The following PAM variants were observed in gnomAD, a reference collection of about 807,000 sequenced individuals.
PAM encodes the protein peptidylglycine alpha-amidating monooxygenase.
PAM carries 72 observed loss-of-function variants against 122.1 expected under a neutral mutation model. The ratio of observed to expected loss-of-function variants is 0.59; its 90% confidence interval spans 0.49 to 0.72. The LOEUF (loss-of-function observed/expected upper bound fraction) is 0.72, where lower values mean the gene tolerates loss of function less well. PAM is among the 30% of genes least tolerant of loss of function. The pLI is 0.00. For synonymous variants in PAM, 389 were observed against 404.4 expected, an observed-to-expected ratio of 0.96 and a Z score of 0.46; for missense variants, 1,106 against 1,183.7, an observed-to-expected ratio of 0.93 and a Z score of 0.96.
At position 103,017,447 on chromosome 5, in the gene PAM, A is replaced by C. The variant is rs1184317969; in HGVS notation, c.2431+14A>C. 1.4e-6 allele frequency: 2 copies of C among 1,465,172 alleles called. No individual in the cohort carries two copies. Among genetic ancestry groups the C allele is most frequent in the South Asian group, 1.2e-5 (1 of 86,220 alleles). 90.8% of individuals were successfully genotyped at this position (1,465,172 alleles called of 1,614,324 possible). ...CCTTGACTGAGAGTATGGTTTTCAC[A>C]GTATTATTGTTCACATTTTCCCTCA... On this transcript the variant is annotated intron_variant, in intron 22 of 25. Coordinates refer to ENST00000438793, the MANE Select transcript of PAM (RefSeq NM_001177306.2).
At chr5:102,886,893 A>T (rs1421098086) in intron 3 of PAM, among the ~76,000 whole-genome samples, 1 of 148,966 alleles carries the variant, frequency 6.7e-6, no homozygotes, top group East Asian at 2.0e-4. Context: ...GTATCTGTTG[A>T]TTAACTGATC....
intron 1 of PAM, among the ~76,000 whole-genome samples, chr5:102,761,085 C>T (rs1477102682): frequency 6.6e-6 from 1 of 152,158 alleles, no homozygotes; most frequent in Non-Finnish European, 1.5e-5. Context: ...AGTCCAGCAG[C>T]ACCTCGGCAG....
chr5:102,919,932 C>T (rs1169256890), intron 5 of PAM, among the ~76,000 whole-genome samples: 1 of 152,064 alleles, frequency 6.6e-6, no homozygotes, highest in Non-Finnish European at 1.5e-5. Flanking sequence ...TAGAATGTTA[C>T]AGTTGGAACC....
intron 1 of PAM, among the ~76,000 whole-genome samples, chr5:102,777,599 G>A (rs545760240): frequency 2.6e-4 from 39 of 152,090 alleles, no homozygotes; most frequent in Non-Finnish European, 4.3e-4. Flanking sequence ...TAGCCCAAAC[G>A]AGGCCCTTTC....
chr5:102,993,446 G>T (rs1045920374), intron 16 of PAM, among the ~76,000 whole-genome samples: 6 of 152,048 alleles, frequency 3.9e-5, no homozygotes, highest in Non-Finnish European at 5.9e-5. Flanking sequence ...AACTCACATC[G>T]TATACCCACT....
intron 24 of PAM, 58 bp downstream of exon 24, chr5:103,025,392 A>C (rs761499932): frequency 2.0e-5 from 27 of 1,361,846 alleles, no homozygotes; most frequent in Non-Finnish European, 2.8e-5. Context: ...GTTTGGCCTA[A>C]TTATCCTCAG....
chr5:102,890,580 T>C (rs951826982), intron 3 of PAM, among the ~76,000 whole-genome samples: 2 of 151,944 alleles, frequency 1.3e-5, no homozygotes, highest in African/African-American at 4.8e-5. Flanking sequence ...CACCTACTCA[T>C]GGTCATTGGA....
intron 17 of PAM, among the ~76,000 whole-genome samples, chr5:103,004,481 A>T (rs1778357846): frequency 6.6e-6 from 1 of 152,220 alleles, no homozygotes. Flanking sequence ...TAACAGAGCT[A>T]TTGGATTGTC....
rs752554525 is a variant in PAM at position 102,960,045 on chromosome 5, A to G, written c.1076A>G (p.His359Arg). Reference protein sequence around the residue: ...IPVKSDMVMMHEHHKETEYKD... With the variant: ...IPVKSDMVMMREHHKETEYKD... ...GTGAAGTCTGATATGGTTATGATGC[A>G]TGAACATCATAAAGGTAATAATTGA... The change falls in exon 13 of 26, where the codon CAT becomes CGT. Residue 359 changes from histidine (H) to arginine (R), a missense_variant. His to Arg is a conservative substitution (Grantham distance 29). Around this residue, in one of 3 missense-constraint regions of PAM, gnomAD observed 670 missense variants for 690.3 expected, o/e 0.97. Transcript: ENST00000438793. 2.5e-6 allele frequency: 4 copies of G among 1,574,964 alleles called. No homozygotes were observed. Among genetic ancestry groups the G allele is most frequent in the East Asian group, 4.5e-5 (2 of 44,662 alleles).
intron 6 of PAM, 86 bp from the exon 7 acceptor site, chr5:102,926,493 ATTTCCC>A: frequency 1.4e-6 from 1 of 738,500 alleles, no homozygotes; most frequent in South Asian, 1.5e-5. Context: ...GTTATATGTT[ATTTCCC>A]TTTGGAGTTC....
chr5:102,812,926 T>A (rs1051414311), intron 1 of PAM, among the ~76,000 whole-genome samples: 5 of 152,124 alleles, frequency 3.3e-5, no homozygotes, highest in African/African-American at 1.2e-4. Context: ...TAGTATATAC[T>A]AATGCAAGTG....
chr5:102,844,698 C>CA (rs557391423), intron 1 of PAM, among the ~76,000 whole-genome samples: 96 of 144,856 alleles, frequency 6.6e-4, no homozygotes, highest in South Asian at 3.2e-3. Flanking sequence ...TAAATAAAAA[C>CA]AAAAAAAAGA....
At chr5:102,931,165 T>G (rs1402417960) in intron 7 of PAM, among the ~76,000 whole-genome samples, 1 of 152,192 alleles carries the variant, frequency 6.6e-6, no homozygotes, top group Non-Finnish European at 1.5e-5. Flanking sequence ...AATACAATAT[T>G]TTGTCTAGTT....
In PAM at chr5:102,979,696, G is replaced by A. The variant is rs533355047; in HGVS notation, c.1483+5260G>A. On this transcript the variant is annotated intron_variant, in intron 15 of 25. Coordinates refer to ENST00000438793, the MANE Select transcript of PAM (RefSeq NM_001177306.2). ...TTCAAATACTTATTAATAATTTCAT[G>A]TGAATGCAACAGTGATCACTAATAT... Among the ~76,000 whole-genome samples, 10 of 152,126 alleles carry A rather than the reference G, an allele frequency of 6.6e-5. No homozygotes were observed. In the East Asian group the frequency reaches 1.9e-3, roughly 29 times the overall value.
intron 4 of PAM, among the ~76,000 whole-genome samples, chr5:102,905,199 T>C (rs902583404): frequency 6.6e-6 from 1 of 151,596 alleles, no homozygotes; most frequent in Non-Finnish European, 1.5e-5. Context: ...AAAAGGTGTT[T>C]TACAGACACT....
intron 1 of PAM, among the ~76,000 whole-genome samples, chr5:102,798,566 C>T (rs1033552067): frequency 2.0e-5 from 3 of 152,172 alleles, no homozygotes; most frequent in Admixed American, 1.3e-4. Context: ...GAGAGTTAAT[C>T]ATCTTTCGAT....
At chr5:102,945,412 A>T (rs540187360) in intron 7 of PAM, among the ~76,000 whole-genome samples, 1 of 151,900 alleles carries the variant, frequency 6.6e-6, no homozygotes, top group African/African-American at 2.4e-5. Flanking sequence ...TATAAATTCA[A>T]TATTTATATT....
chr5:102,772,967 A>G (rs1756217372), intron 1 of PAM, among the ~76,000 whole-genome samples: 2 of 152,120 alleles, frequency 1.3e-5, no homozygotes, highest in Admixed American at 6.6e-5. Context: ...GGTGGTAATA[A>G]TATCAAGGTT....
chr5:102,920,797 A>ATTT (rs764728307), intron 5 of PAM, among the ~76,000 whole-genome samples: 1 of 144,382 alleles, frequency 6.9e-6, no homozygotes, highest in African/African-American at 2.5e-5. Flanking sequence ...GGGCATGACA[A>ATTT]TTTTTTTTTT....
Sources: gnomAD v4.1 joint callset for allele counts (sites outside exome capture counted in the v4.1 genomes callset) on GRCh38, gnomAD v4.1.1 for gene constraint, gnomAD v4.1.1 regional missense constraint, MANE v1.5 for transcripts, NCBI Gene and HGNC (gene_info 2026-07-23, HGNC 2026-07-21) for gene names.